Variants in ARHGAP21 observed in about 807,000 individuals in gnomAD.
ARHGAP21 encodes rho GTPase-activating protein 21.
Under a neutral mutation model 164.6 loss-of-function variants are expected in ARHGAP21, and 38 were observed. The observed-to-expected ratio is 0.23, with a 90% CI of 0.18 to 0.30. ARHGAP21 has a LOEUF of 0.30. Among genes scored for constraint, ARHGAP21 ranks in the 10% least tolerant of loss-of-function variants. The pLI is 1.00. For missense variants in ARHGAP21, 1,822 were observed against 2,370.7 expected (o/e 0.77, Z 4.81); for synonymous variants, 766 against 857.9 (o/e 0.89, Z 1.87).
At chr10:24,595,613 TC>T in intron 19 of ARHGAP21, 103 bp downstream of exon 19, 1 of 1,174,930 alleles carries the variant, frequency 8.5e-7, no homozygotes, top group Non-Finnish European at 1.2e-6. Flanking sequence ...GCCTCCTGCT[TC>T]CTTTGACCAA....
chr10:24,625,299 GA>G lies in ARHGAP21; in HGVS notation c.496-2538del, dbSNP rs34935501. Reference sequence around the variant, plus strand: ...TAAATGGTAAACAAAATGAAACAGAGAAAAAAAAAAAAAAAAAAAAAAAACC... The same window carrying G: ...TAAATGGTAAACAAAATGAAACAGAGAAAAAAAAAAAAAAAAAAAAAAACC... On this transcript the variant is annotated intron_variant, in intron 7 of 25. Coordinates refer to ENST00000396432, the MANE Select transcript of ARHGAP21 (RefSeq NM_020824.4). 3.0e-3 allele frequency among the ~76,000 whole-genome samples: 162 copies of G among 53,802 alleles called. 8 individuals are homozygous for G. The highest frequency in any genetic ancestry group is 7.4e-3 in the African/African-American group (99 of 13,434). 35.3% of individuals were successfully genotyped at this position (53,802 alleles called of 152,430 possible).
chr10:24,708,515 A>G (rs981729104), intron 2 of ARHGAP21, among the ~76,000 whole-genome samples: 1 of 152,166 alleles, frequency 6.6e-6, no homozygotes, highest in Non-Finnish European at 1.5e-5. Flanking sequence ...GGCTTTTCGT[A>G]TATTTATCAC....
Position 24,584,322 on chromosome 10 carries a change from A to G in ARHGAP21, c.*90T>C, listed in dbSNP as rs888724290. ...AACCAGCCCAAATGAAGGCTGCATA[A>G]TAACAATTCTGATACAAGAAAATAT... On this transcript the variant is annotated 3_prime_UTR_variant, in exon 26 of 26. Transcript: ENST00000396432. 1.9e-5 allele frequency: 28 copies of G among 1,443,272 alleles called. No individual in the cohort carries two copies. Among genetic ancestry groups the G allele is most frequent in the East Asian group, 6.9e-5 (3 of 43,762 alleles). 89.4% of individuals were successfully genotyped at this position (1,443,272 alleles called of 1,614,324 possible).
intron 9 of ARHGAP21, among the ~76,000 whole-genome samples, chr10:24,613,295 T>C (rs1305031575): frequency 1.3e-5 from 2 of 152,200 alleles, no homozygotes; most frequent in African/African-American, 4.8e-5. Context: ...TTGAGTAGGC[T>C]CACTAAACAT....
rs138215341 is a variant in ARHGAP21, at chr10:24,717,952, T to C, written c.63+3885A>G. Among the ~76,000 whole-genome samples the C allele has an allele frequency of 5.9e-3, 894 of 152,290 alleles. 9 individuals carry two copies. Among genetic ancestry groups the C allele is most frequent in the African/African-American group, 0.021 (860 of 41,566 alleles). ...CATGTTGCTCAGGCTGGTGTACAACTCCTGACCTCAGGTCATCTGCCCATC... is the reference window on the plus strand; with the variant it reads ...CATGTTGCTCAGGCTGGTGTACAACCCCTGACCTCAGGTCATCTGCCCATC... On this transcript the variant is annotated intron_variant, in intron 2 of 25. Transcript: ENST00000396432.
chr10:24,658,047 TA>T lies in ARHGAP21; in HGVS notation c.268+8937del, dbSNP rs796913659. 1.9e-3 allele frequency among the ~76,000 whole-genome samples: 41 copies of T among 21,980 alleles called. No individual in the cohort carries two copies. In the South Asian group the frequency reaches 0.11, roughly 57 times the overall value. The allele number at this position is 21,980 out of a possible 152,430, so 14.4% of individuals were successfully genotyped here. On this transcript the variant is annotated intron_variant, in intron 4 of 25. Transcript: ENST00000396432. The stretch of plus-strand genomic sequence containing the variant: ...GTGAGAAACACCCAAGAATTATCAA[TA>T]AAAAAATAAATTAAAAAAAAAAAAA...
chr10:24,592,235 C>T (rs543243539), intron 21 of ARHGAP21, among the ~76,000 whole-genome samples: 50 of 137,432 alleles, frequency 3.6e-4, no homozygotes, highest in African/African-American at 1.3e-3. Flanking sequence ...ATGATCACAG[C>T]TTACTGCACT....
At chr10:24,667,066 A>T (rs1840266954) in intron 3 of ARHGAP21, 57 bp from the exon 4 acceptor site, 5 of 979,730 alleles carry the variant, frequency 5.1e-6, no homozygotes, top group African/African-American at 1.7e-5. Flanking sequence ...ACTCTTGTTA[A>T]TCACAGCAAG....
chr10:24,648,177 T>G (rs1350994603), intron 4 of ARHGAP21, among the ~76,000 whole-genome samples: 1 of 152,146 alleles, frequency 6.6e-6, no homozygotes, highest in Non-Finnish European at 1.5e-5. Flanking sequence ...CTCGTTTCTC[T>G]ATTTGCCTTC....
chr10:24,624,215 A>G (rs1834849344), intron 7 of ARHGAP21, among the ~76,000 whole-genome samples: 1 of 151,704 alleles, frequency 6.6e-6, no homozygotes, highest in Admixed American at 6.6e-5. Flanking sequence ...ATTCAAGAAC[A>G]TTTTTCACAA....
Position 24,695,199 on chromosome 10 carries a change from G to GC in ARHGAP21, c.64-24803dup, listed in dbSNP as rs976182899. ...AAAAGAAAACCGTGATTCCCACCTTGCAATATTCATGCTATGTGTCATCCC... is the reference window on the plus strand; with the variant it reads ...AAAAGAAAACCGTGATTCCCACCTTGCCAATATTCATGCTATGTGTCATCCC... On this transcript the variant is annotated intron_variant, in intron 2 of 25. Coordinates refer to ENST00000396432, the MANE Select transcript of ARHGAP21 (RefSeq NM_020824.4). Among the ~76,000 whole-genome samples, 12 of 151,866 alleles carry GC rather than the reference G, an allele frequency of 7.9e-5. No homozygotes were observed. The South Asian group carries it at 2.1e-3, about 26-fold the overall frequency.
At chr10:24,692,548 T>C (rs115461765) in intron 2 of ARHGAP21, among the ~76,000 whole-genome samples, 2,446 of 152,214 alleles carry the variant, frequency 0.016, 67 homozygotes, top group African/African-American at 0.056. Context: ...GTAGAATGGA[T>C]AGACCAGACT....
At chr10:24,591,732 T>C (rs763105018) in intron 22 of ARHGAP21, 49 bp from the exon 23 acceptor site, 3 of 1,607,080 alleles carry the variant, frequency 1.9e-6, no homozygotes, top group Admixed American at 1.7e-5. Flanking sequence ...CCTTTAAATA[T>C]ACTGAGATCT....
chr10:24,644,690 T>C lies in ARHGAP21; in HGVS notation c.269-9587A>G, dbSNP rs1837386743. 2.6e-5 allele frequency among the ~76,000 whole-genome samples: 4 copies of C among 152,288 alleles called. No homozygotes were observed. The South Asian group carries it at 8.3e-4, about 32-fold the overall frequency. On this transcript the variant is annotated intron_variant, in intron 4 of 25. Coordinates refer to ENST00000396432, the MANE Select transcript of ARHGAP21 (RefSeq NM_020824.4). The stretch of plus-strand genomic sequence containing the variant: ...AAATTATCACCTCCTAATAAGCAAA[T>C]TACCAACTCCTCCTGGTTGTCCTCA...
intron 2 of ARHGAP21, among the ~76,000 whole-genome samples, chr10:24,676,524 G>T (rs529279700): frequency 2.6e-5 from 4 of 152,230 alleles, no homozygotes; most frequent in East Asian, 3.9e-4. Flanking sequence ...ATAGATACTG[G>T]AGACTCCAAA....
At position 24,619,720 on chromosome 10, in the gene ARHGAP21, T is replaced by C. The variant is rs539525281; in HGVS notation, c.2175A>G (p.Gln725=). The C allele has an allele frequency of 4.7e-5, 76 of 1,614,204 alleles. No homozygotes were observed. In the East Asian group the frequency reaches 5.8e-4, roughly 12 times the overall value. The part of the protein sequence containing the change: ...DLSLQEAETE[Q]SDTLDNKEAV... ...CTTCTTTATTATCTAAAGTATCTGA[T>C]TGCTCAGTTTCAGCCTCTTGTAAAC... Residue 725 remains glutamine, a synonymous_variant, in exon 9 of 26, where the codon CAA becomes CAG. Transcript: ENST00000396432.
intron 14 of ARHGAP21, among the ~76,000 whole-genome samples, chr10:24,599,288 G>C (rs1485460384): frequency 1.3e-5 from 2 of 152,156 alleles, no homozygotes; most frequent in African/African-American, 2.4e-5. Context: ...GAACTCCTCT[G>C]AACTATTACT....
chr10:24,606,112 AAAAT>A (rs1193433015), intron 11 of ARHGAP21, among the ~76,000 whole-genome samples: 5 of 152,300 alleles, frequency 3.3e-5, no homozygotes, highest in Non-Finnish European at 5.9e-5. Flanking sequence ...AGTTTACAAA[AAAAT>A]AAAAAGTAAA....
intron 2 of ARHGAP21, chr10:24,714,454 T>G (rs1845156560): frequency 6.6e-6 from 1 of 152,204 alleles, no homozygotes; most frequent in Admixed American, 6.5e-5. Context: ...ACTTTGCTGA[T>G]GGCTCTTATC....
Sources: gnomAD v4.1 joint callset for allele counts (sites outside exome capture counted in the v4.1 genomes callset) on GRCh38, gnomAD v4.1.1 for gene constraint, MANE v1.5 for transcripts, NCBI Gene and HGNC (gene_info 2026-07-23, HGNC 2026-07-21) for gene names.